THSD7B: variants seen among roughly 807,000 people sequenced by gnomAD.
THSD7B encodes the protein thrombospondin type 1 domain containing 7B.
A neutral mutation model predicts 213.6 loss-of-function variants in THSD7B; 138 were observed. That is an observed-to-expected ratio of 0.65 (90% CI 0.56 to 0.74). The LOEUF is 0.74. Ranked by LOEUF, THSD7B falls within the 30% of genes least tolerant of loss-of-function variation. The pLI is 0.00. For missense variants in THSD7B, 1,931 were observed against 1,991.5 expected, an observed-to-expected ratio of 0.97 and a Z score of 0.58; for synonymous variants, 742 against 687.0, an observed-to-expected ratio of 1.08 and a Z score of -1.25.
chr2:137,060,801 A>G (rs1004014713), intron 3 of THSD7B, among the ~76,000 whole-genome samples: 16 of 151,392 alleles, frequency 1.1e-4, no homozygotes, highest in African/African-American at 3.9e-4. Flanking sequence ...CAGTCTTCCT[A>G]TTTTTTTTCT....
chr2:137,312,475 T>G (rs1476703268), intron 12 of THSD7B, among the ~76,000 whole-genome samples: 1 of 150,000 alleles, frequency 6.7e-6, no homozygotes, highest in Non-Finnish European at 1.5e-5. Flanking sequence ...ATTCGTTAAT[T>G]TTTTGAAGGG....
intron 15 of THSD7B, among the ~76,000 whole-genome samples, chr2:137,509,045 A>G (rs1679902938): frequency 6.6e-6 from 1 of 152,120 alleles, no homozygotes; most frequent in Admixed American, 6.5e-5. Context: ...CCTGAAGGCA[A>G]CCTGGCCAGT....
At chr2:136,844,454 A>T (rs1682968036) in intron 1 of THSD7B, among the ~76,000 whole-genome samples, 1 of 114,996 alleles carries the variant, frequency 8.7e-6, no homozygotes, top group African/African-American at 3.0e-5. Context: ...AGGAGAGGCC[A>T]CCCAAAACAG....
At chr2:137,444,214 G>A (rs1466550237) in intron 14 of THSD7B, among the ~76,000 whole-genome samples, 1 of 151,824 alleles carries the variant, frequency 6.6e-6, no homozygotes, top group East Asian at 1.9e-4. Flanking sequence ...TTTCATGAAT[G>A]GTATTTCCAA....
At chr2:137,120,084 A>G (rs1478953170) in intron 5 of THSD7B, among the ~76,000 whole-genome samples, 1 of 152,122 alleles carries the variant, frequency 6.6e-6, no homozygotes, top group Non-Finnish European at 1.5e-5. Flanking sequence ...GGCTTATAGC[A>G]TTTTCTCTTG....
chr2:137,080,252 G>C (rs966238111), intron 3 of THSD7B, among the ~76,000 whole-genome samples: 1 of 151,796 alleles, frequency 6.6e-6, no homozygotes, highest in Non-Finnish European at 1.5e-5. Context: ...CCAGGCTGGG[G>C]TGCAGTGGTA....
At chr2:137,130,086 G>A (rs868371363) in intron 5 of THSD7B, among the ~76,000 whole-genome samples, 23 of 152,134 alleles carry the variant, frequency 1.5e-4, no homozygotes, top group South Asian at 4.1e-4. Context: ...TACATTGAGA[G>A]GGGATTGCAT....
chr2:137,430,159 A>G (rs1161695129), intron 14 of THSD7B, among the ~76,000 whole-genome samples: 1 of 152,082 alleles, frequency 6.6e-6, no homozygotes, highest in Admixed American at 6.6e-5. Context: ...AGGTGGGAGG[A>G]CTACTTGAGC....
At chr2:137,538,877 T>A (rs1206268099) in intron 15 of THSD7B, among the ~76,000 whole-genome samples, 1 of 151,692 alleles carries the variant, frequency 6.6e-6, no homozygotes, top group Non-Finnish European at 1.5e-5. Flanking sequence ...TAAATGTCAT[T>A]GCCATGGTTA....
intron 1 of THSD7B, among the ~76,000 whole-genome samples, chr2:136,841,545 C>T (rs549679813): frequency 1.1e-4 from 14 of 131,766 alleles, no homozygotes; most frequent in African/African-American, 3.5e-4. Flanking sequence ...TGCAGTGAGC[C>T]GAGATTGCGC....
At chr2:137,360,196 T>C (rs1685222295) in intron 12 of THSD7B, among the ~76,000 whole-genome samples, 1 of 152,220 alleles carries the variant, frequency 6.6e-6, no homozygotes, top group South Asian at 2.1e-4. Context: ...CTCAAGTTAT[T>C]AGCCAGACAC....
chr2:137,511,711 A>T (rs1679964858), intron 15 of THSD7B, among the ~76,000 whole-genome samples: 1 of 152,204 alleles, frequency 6.6e-6, no homozygotes. Flanking sequence ...TTGGTTGGTA[A>T]ATAGACTCAG....
In THSD7B at chr2:136,894,639, G is replaced by T. The variant is rs1286489623; in HGVS notation, c.139+12322G>T. 3.3e-5 allele frequency among the ~76,000 whole-genome samples: 5 copies of T among 152,216 alleles called. No homozygotes were observed. In the South Asian group the frequency reaches 1.0e-3, roughly 32 times the overall value. ...TAACTAATGCTACTTTTTATTTCTGGTAAATAGGTGTTACTTGAAGAGACT... is the reference window on the plus strand; with the variant it reads ...TAACTAATGCTACTTTTTATTTCTGTTAAATAGGTGTTACTTGAAGAGACT... On this transcript the variant is annotated intron_variant, in intron 2 of 27. Coordinates refer to ENST00000409968, the MANE Select transcript of THSD7B (RefSeq NM_001316349.2).
intron 5 of THSD7B, among the ~76,000 whole-genome samples, chr2:137,148,181 TC>T (rs1430075651): frequency 6.6e-6 from 1 of 152,056 alleles, no homozygotes; most frequent in African/African-American, 2.4e-5. Context: ...AAAGGACTTT[TC>T]CCCCTCTCTG....
At chr2:137,381,987 G>A (rs74874958) in intron 12 of THSD7B, among the ~76,000 whole-genome samples, 4,813 of 152,252 alleles carry the variant, frequency 0.032, 276 homozygotes, top group African/African-American at 0.11. Context: ...AAGTGCTGGC[G>A]CTGGTAGACA....
intron 7 of THSD7B, among the ~76,000 whole-genome samples, chr2:137,220,773 A>T (rs1245290973): frequency 7.2e-6 from 1 of 139,772 alleles, no homozygotes; most frequent in Non-Finnish European, 1.5e-5. Context: ...GAAACAACCC[A>T]AAAGTCTTTA....
chr2:137,210,173 G>A (rs1681069636), intron 7 of THSD7B, among the ~76,000 whole-genome samples: 2 of 152,004 alleles, frequency 1.3e-5, no homozygotes, highest in African/African-American at 4.8e-5. Context: ...TTTTGTTATG[G>A]TAGTCCAAGA....
intron 9 of THSD7B, 82 bp downstream of exon 9, chr2:137,233,215 G>T: frequency 3.8e-6 from 5 of 1,300,554 alleles, no homozygotes; most frequent in South Asian, 1.4e-5. Context: ...TCAAGCAATA[G>T]ATATTTCTGG....
chr2:137,160,553 C>T (rs1680000375), intron 6 of THSD7B, among the ~76,000 whole-genome samples, 185 bp downstream of exon 6: 1 of 152,162 alleles, frequency 6.6e-6, no homozygotes, highest in Admixed American at 6.6e-5. Flanking sequence ...TGCACAATCT[C>T]ACCTTGATTT....
Sources: allele counts gnomAD v4.1 joint callset (sites outside exome capture counted in the v4.1 genomes callset), GRCh38; gene constraint gnomAD v4.1.1; transcripts MANE v1.5; gene names NCBI Gene and HGNC (gene_info 2026-07-23, HGNC 2026-07-21).